Variants in ZBBX observed in about 807,000 individuals in gnomAD.
ZBBX encodes zinc finger B-box domain containing.
ZBBX carries 101 observed loss-of-function variants against 108.5 expected under a neutral mutation model. The observed-to-expected ratio is 0.93, with a 90% CI of 0.79 to 1.10. The LOEUF is 1.10. Ranked by LOEUF, ZBBX falls within the 50% of genes least tolerant of loss-of-function variation. The pLI, the probability that ZBBX is intolerant of heterozygous loss-of-function variation, is 0.00. For missense variants in ZBBX, 1,009 were observed against 941.4 expected (o/e 1.07, Z -0.94); for synonymous variants, 356 against 323.4 (o/e 1.10, Z -1.08).
intron 1 of ZBBX, among the ~76,000 whole-genome samples, chr3:167,393,929 A>G (rs983885055): frequency 1.3e-5 from 2 of 151,870 alleles, no homozygotes; most frequent in African/African-American, 4.8e-5. Context: ...TGCTTATTGA[A>G]CTTTTTCACT....
chr3:167,305,317 T>G (rs1733426927), intron 17 of ZBBX, among the ~76,000 whole-genome samples: 1 of 152,148 alleles, frequency 6.6e-6, no homozygotes, highest in Non-Finnish European at 1.5e-5. Context: ...TAGAAAGTAT[T>G]TATTATACTG....
chr3:167,234,623 A>G, the ZBBX span, among the ~76,000 whole-genome samples: 1 of 152,018 alleles, frequency 6.6e-6, no homozygotes, highest in East Asian at 1.9e-4. Flanking sequence ...GTTTTACCAC[A>G]TAATTCAAAC....
the ZBBX span, among the ~76,000 whole-genome samples, chr3:167,179,288 C>T: frequency 4.6e-5 from 7 of 152,346 alleles, no homozygotes. Flanking sequence ...CACCATTTGG[C>T]AAGTTGGGCA....
chr3:167,302,696 A>T lies in ZBBX; in HGVS notation c.1725+2947T>A, dbSNP rs118148389. Among the ~76,000 whole-genome samples, 590 of 152,298 alleles carry T rather than the reference A, an allele frequency of 3.9e-3. 17 individuals carry two copies. In the East Asian group the frequency reaches 0.066, roughly 17 times the overall value. On this transcript the variant is annotated intron_variant, in intron 17 of 21. Transcript: ENST00000675490. ...TTTCATGGATGCTGGACGAAGACACAAGACTCCTTGGTCAGAGACAAATGA... is the reference window on the plus strand; with the variant it reads ...TTTCATGGATGCTGGACGAAGACACTAGACTCCTTGGTCAGAGACAAATGA...
intron 20 of ZBBX, among the ~76,000 whole-genome samples, chr3:167,272,978 C>G (rs911090501): frequency 1.3e-5 from 2 of 152,158 alleles, no homozygotes; most frequent in African/African-American, 4.8e-5. Context: ...ATTCTCATTC[C>G]CACCTCTACT....
At chr3:167,262,956 T>G (rs1724808874) in intron 20 of ZBBX, among the ~76,000 whole-genome samples, 1 of 152,108 alleles carries the variant, frequency 6.6e-6, no homozygotes, top group Non-Finnish European at 1.5e-5. Context: ...CCATTCAAAT[T>G]CATTTATTTC....
At chr3:167,201,253 G>C in the ZBBX span, among the ~76,000 whole-genome samples, 1 of 152,108 alleles carries the variant, frequency 6.6e-6, no homozygotes, top group East Asian at 1.9e-4. Flanking sequence ...TGTTAGACTA[G>C]GGCTGGGTTA....
the ZBBX span, among the ~76,000 whole-genome samples, chr3:167,205,265 A>G: frequency 1.3e-5 from 2 of 152,120 alleles, no homozygotes; most frequent in African/African-American, 4.8e-5. Context: ...CAGAGGGAGA[A>G]GGGATGACAC....
intron 2 of ZBBX, among the ~76,000 whole-genome samples, chr3:167,379,321 A>C (rs192154459): frequency 6.6e-6 from 1 of 152,334 alleles, no homozygotes; most frequent in African/African-American, 2.4e-5. Flanking sequence ...TGGTGAAGGA[A>C]GTAGGTAAAA....
At chr3:167,403,340 G>A (rs570677800) in intron 1 of ZBBX, among the ~76,000 whole-genome samples, 35 of 151,998 alleles carry the variant, frequency 2.3e-4, no homozygotes, top group Admixed American at 8.5e-4. Flanking sequence ...AAAACTAAAG[G>A]TAAAATACAT....
intron 16 of ZBBX, among the ~76,000 whole-genome samples, chr3:167,309,794 T>G (rs1461281364): frequency 1.3e-5 from 2 of 152,244 alleles, no homozygotes; most frequent in African/African-American, 4.8e-5. Context: ...TTCCCCATTG[T>G]CTTGGCAATC....
intron 7 of ZBBX, 38 bp downstream of exon 7, chr3:167,360,635 ATG>A: frequency 8.8e-7 from 1 of 1,133,962 alleles, no homozygotes; most frequent in Non-Finnish European, 1.2e-6. Flanking sequence ...AAAGAAAGGG[ATG>A]TCTTTAGCAT....
chr3:167,389,193 T>A (rs1330322468), intron 1 of ZBBX, among the ~76,000 whole-genome samples: 1 of 152,132 alleles, frequency 6.6e-6, no homozygotes, highest in Non-Finnish European at 1.5e-5. Context: ...GTGTTCTCAC[T>A]GTTCAACTCC....
At chr3:167,261,366 T>C (rs1371880094) in intron 20 of ZBBX, among the ~76,000 whole-genome samples, 1 of 149,290 alleles carries the variant, frequency 6.7e-6, no homozygotes, top group African/African-American at 2.5e-5. Context: ...GGGGAGGAAC[T>C]GGCGGTGGTC....
rs1350749189 is a variant in ZBBX at position 167,372,965 on chromosome 3, A to G, written c.-49-15T>C. 3 of 1,274,758 alleles carry G rather than the reference A, an allele frequency of 2.4e-6. No homozygotes were observed. Among genetic ancestry groups the G allele is most frequent in the South Asian group, 1.4e-5 (1 of 71,178 alleles). The allele number at this position is 1,274,758 out of a possible 1,614,324, so 79.0% of individuals were successfully genotyped here. A position where few individuals can be genotyped will look rare whatever the true frequency, so the allele number is the denominator to read the frequency against. On this transcript the variant is annotated splice_polypyrimidine_tract_variant and intron_variant, in intron 3 of 21. Transcript: ENST00000675490. ...TGTAAACACTTCTGTAAAAGTAACA[A>G]AGACAAAAGAATTATGGCAGAGGTG...
At chr3:167,396,072 C>A (rs757150823) in intron 1 of ZBBX, among the ~76,000 whole-genome samples, 1 of 151,984 alleles carries the variant, frequency 6.6e-6, no homozygotes, top group Non-Finnish European at 1.5e-5. Context: ...GTTTTCCTGG[C>A]AAAATTTCTC....
At chr3:167,206,551 T>C in the ZBBX span, among the ~76,000 whole-genome samples, 1 of 152,080 alleles carries the variant, frequency 6.6e-6, no homozygotes, top group Non-Finnish European at 1.5e-5. Context: ...GAAGTATTAA[T>C]ACTGTTAAAA....
intron 8 of ZBBX, among the ~76,000 whole-genome samples, chr3:167,355,198 T>C (rs1409605100): frequency 1.3e-5 from 2 of 152,018 alleles, no homozygotes; most frequent in African/African-American, 4.8e-5. Context: ...ACTTTTGGGC[T>C]TCGTCTTTGC....
intron 10 of ZBBX, among the ~76,000 whole-genome samples, chr3:167,332,207 G>A (rs190558093): frequency 6.6e-6 from 1 of 152,068 alleles, no homozygotes; most frequent in African/African-American, 2.4e-5. Flanking sequence ...TCTTCATTGT[G>A]TACTCTGTCG....
Sources: allele counts gnomAD v4.1 joint callset (sites outside exome capture counted in the v4.1 genomes callset), GRCh38; gene constraint gnomAD v4.1.1; transcripts MANE v1.5; gene names NCBI Gene and HGNC (gene_info 2026-07-23, HGNC 2026-07-21).